SEMA3D: variants seen among roughly 807,000 people sequenced by gnomAD.
SEMA3D encodes semaphorin 3D.
SEMA3D carries 84 observed loss-of-function variants against 100.1 expected under a neutral mutation model. The ratio of observed to expected loss-of-function variants is 0.84; its 90% CI spans 0.70 to 1.01. The LOEUF is 1.01. Among genes scored for constraint, SEMA3D ranks in the 50% least tolerant of loss-of-function variants. The pLI, the probability that SEMA3D is intolerant of heterozygous loss-of-function variation, is 0.00. For missense variants in SEMA3D, 875 were observed against 934.1 expected, an observed-to-expected ratio of 0.94 and a Z score of 0.82; for synonymous variants, 312 against 320.7, an observed-to-expected ratio of 0.97 and a Z score of 0.29.
intron 1 of SEMA3D, among the ~76,000 whole-genome samples, chr7:85,182,443 C>T (rs1210283719): frequency 6.6e-6 from 1 of 152,134 alleles, no homozygotes; most frequent in African/African-American, 2.4e-5. Context: ...CCTACTTAAA[C>T]AATTGGTTAT....
intron 3 of SEMA3D, among the ~76,000 whole-genome samples, chr7:85,118,914 T>C (rs1311929438): frequency 6.6e-6 from 1 of 152,058 alleles, no homozygotes; most frequent in African/African-American, 2.4e-5. Context: ...TTTTTATAGT[T>C]TTAAATAAAC....
chr7:85,231,767 T>A, the SEMA3D span, among the ~76,000 whole-genome samples: 1 of 152,134 alleles, frequency 6.6e-6, no homozygotes, highest in African/African-American at 2.4e-5. Flanking sequence ...TCTTATACAG[T>A]AAGAACATGT....
intron 9 of SEMA3D, among the ~76,000 whole-genome samples, chr7:85,054,469 G>T (rs999755886): frequency 6.6e-6 from 1 of 152,034 alleles, no homozygotes; most frequent in Non-Finnish European, 1.5e-5. Context: ...AAATTACTGT[G>T]AATTCTTAGA....
In SEMA3D at chr7:85,015,203, A is replaced by G; in HGVS notation, c.1559T>C (p.Ile520Thr). 2 of 1,609,018 alleles carry G rather than the reference A, an allele frequency of 1.2e-6. No individual in the cohort carries two copies. Among genetic ancestry groups the G allele is most frequent in the Non-Finnish European group, 1.7e-6 (2 of 1,176,334 alleles). ...ELSLKQQQLY[I>T]GSRDGLVQLS... ...CTGAACCAATCCATCTCGGGAACCAATGTACAATTGTTGCTGCAAATCGGG... is the reference window on the plus strand; with the variant it reads ...CTGAACCAATCCATCTCGGGAACCAGTGTACAATTGTTGCTGCAAATCGGG... Residue 520 changes from isoleucine to threonine, a missense_variant, in exon 16 of 19, where the codon ATT becomes ACT. Physicochemically the swap from Ile to Thr is moderately conservative, Grantham distance 89. Coordinates refer to ENST00000284136, the MANE Select transcript of SEMA3D (RefSeq NM_001384900.1).
chr7:85,088,887 C>T (rs1788299077), intron 4 of SEMA3D, among the ~76,000 whole-genome samples: 1 of 152,068 alleles, frequency 6.6e-6, no homozygotes, highest in African/African-American at 2.4e-5. Context: ...ATTGTCTTTC[C>T]CTTTCCCTTT....
chr7:85,202,833 T>TA, the SEMA3D span, among the ~76,000 whole-genome samples: 1 of 151,564 alleles, frequency 6.6e-6, no homozygotes, highest in African/African-American at 2.4e-5. Flanking sequence ...TCTTTTTTTT[T>TA]AAACACAATT....
intron 12 of SEMA3D, among the ~76,000 whole-genome samples, chr7:85,031,956 C>T (rs562678935): frequency 4.0e-5 from 6 of 151,766 alleles, no homozygotes; most frequent in Admixed American, 1.3e-4. Flanking sequence ...GTGGGACATT[C>T]GGCAGTATAT....
At chr7:85,163,893 T>C (rs1474935826) in intron 1 of SEMA3D, among the ~76,000 whole-genome samples, 1 of 152,114 alleles carries the variant, frequency 6.6e-6, no homozygotes. Context: ...CTGAGTAAAG[T>C]TACAGACTCC....
chr7:85,142,227 T>G, intron 2 of SEMA3D: 1 of 980,516 alleles, frequency 1.0e-6, no homozygotes, highest in Non-Finnish European at 1.2e-6. Flanking sequence ...AGGTTTGAGA[T>G]ATCATCTCTC....
At chr7:85,090,779 T>C (rs1788364667) in intron 4 of SEMA3D, among the ~76,000 whole-genome samples, 1 of 152,112 alleles carries the variant, frequency 6.6e-6, no homozygotes, top group Non-Finnish European at 1.5e-5. Context: ...TCCTCATGTA[T>C]CAAAACTCTT....
intron 1 of SEMA3D, among the ~76,000 whole-genome samples, chr7:85,179,943 GA>G (rs1791354732): frequency 1.3e-5 from 2 of 152,232 alleles, no homozygotes; most frequent in Admixed American, 1.3e-4. Context: ...TTACAGGCAT[GA>G]GCCATCGCAC....
At chr7:85,071,599 A>G (rs549651974) in intron 6 of SEMA3D, among the ~76,000 whole-genome samples, 1 of 152,342 alleles carries the variant, frequency 6.6e-6, no homozygotes, top group East Asian at 1.9e-4. Context: ...TGAACATCAC[A>G]GAGTGCACTT....
At chr7:85,051,369 A>G (rs904321622) in intron 9 of SEMA3D, among the ~76,000 whole-genome samples, 3 of 151,908 alleles carry the variant, frequency 2.0e-5, no homozygotes, top group African/African-American at 7.2e-5. Context: ...CCTCTTTTTG[A>G]TAAGCGACAT....
intron 1 of SEMA3D, among the ~76,000 whole-genome samples, chr7:85,163,939 A>T (rs1250060810): frequency 6.6e-6 from 1 of 152,186 alleles, no homozygotes; most frequent in Admixed American, 6.6e-5. Flanking sequence ...TTCATGTTAT[A>T]AATTTTTATT....
chr7:84,999,837 G>T lies in SEMA3D; in HGVS notation c.1937C>A (p.Thr646Lys), dbSNP rs139389337. 4 of 1,613,242 alleles carry T rather than the reference G, an allele frequency of 2.5e-6. No homozygotes were observed. In the South Asian group the frequency reaches 4.4e-5, roughly 18 times the overall value. ...ELKPDERIIK[T>K]EYGLLIRSLQ... ...ACTTCGAATCAGTAGCCCATATTCC[G>T]TTTTGATGATTCTTTCATCGGGCTT... is the stretch of plus-strand genomic sequence containing the variant. Residue 646 changes from threonine to lysine, a missense_variant, in exon 19 of 19, where the codon ACG becomes AAG. Transcript: ENST00000284136.
chr7:85,047,386 T>C (rs958330862), intron 9 of SEMA3D, among the ~76,000 whole-genome samples: 3 of 151,842 alleles, frequency 2.0e-5, no homozygotes, highest in African/African-American at 7.2e-5. Context: ...ATAAATCTTA[T>C]ATAGACATGT....
In SEMA3D at chr7:85,006,937, A is replaced by G. The variant is rs768340569; in HGVS notation, c.1773T>C (p.Ile591=). The G allele has an allele frequency of 6.8e-6, 11 of 1,608,798 alleles. No homozygotes were observed. The highest frequency in any genetic ancestry group is 8.5e-6 in the Non-Finnish European group (10 of 1,176,964). Residue 591 remains isoleucine (I), a synonymous_variant, in exon 18 of 19, where the codon ATT becomes ATC. Coordinates refer to ENST00000284136, the MANE Select transcript of SEMA3D (RefSeq NM_001384900.1). The part of the protein sequence containing the change: ...ITQCWDIEDS[I]SHETADEKVI... ...CCTTTTCATCAGCAGTTTCATGACT[A>G]ATGCCTGGAAAGCAAACATGGAATA...
chr7:85,081,304 G>C (rs929951812), intron 5 of SEMA3D, among the ~76,000 whole-genome samples: 2 of 152,084 alleles, frequency 1.3e-5, no homozygotes, highest in Non-Finnish European at 2.9e-5. Flanking sequence ...TTAGAAAGTA[G>C]AGTGTTTCTA....
At chr7:85,075,689 G>C in intron 5 of SEMA3D, among the ~76,000 whole-genome samples, 1 of 152,190 alleles carries the variant, frequency 6.6e-6, no homozygotes, top group East Asian at 1.9e-4. Flanking sequence ...TTTTTCTGTA[G>C]GGAATTTGAG....
Sources: gnomAD v4.1 joint callset for allele counts (sites outside exome capture counted in the v4.1 genomes callset) on GRCh38, gnomAD v4.1.1 for gene constraint, MANE v1.5 for transcripts, NCBI Gene and HGNC (gene_info 2026-07-23, HGNC 2026-07-21) for gene names.